Variants in AZIN2 observed in about 807,000 individuals in gnomAD.
AZIN2 encodes the protein ODC antizyme inhibitor-2.
A neutral mutation model predicts 47.8 loss-of-function variants in AZIN2; 28 were observed. The ratio of observed to expected loss-of-function variants is 0.59; its 90% CI spans 0.43 to 0.80. The LOEUF (loss-of-function observed/expected upper bound fraction) is 0.80. AZIN2 is among the 30% of genes least tolerant of loss of function. The probability of loss-of-function intolerance (pLI) is 0.00; values close to 1 mark genes in which losing one functional copy is unlikely to be tolerated. For missense variants in AZIN2, 535 were observed against 582.5 expected (o/e 0.92, Z 0.84); for synonymous variants, 221 against 239.4 (o/e 0.92, Z 0.71).
intron 11 of AZIN2, 179 bp from the exon 12 acceptor site, chr1:33,119,865 G>C (rs575990624): frequency 1.4e-6 from 1 of 699,958 alleles, no homozygotes; most frequent in African/African-American, 1.8e-5. Flanking sequence ...TTGTTGAGGG[G>C]TGGGGACCAC....
At chr1:33,128,397 C>T (rs1381817391), downstream of AZIN2, among the ~76,000 whole-genome samples, 1 of 151,920 alleles carries the variant, frequency 6.6e-6, no homozygotes, top group African/African-American at 2.4e-5. Flanking sequence ...AAAAATTTAA[C>T]GTATTTAAAG....
chr1:33,091,322 C>T (rs1159847444), intron 5 of AZIN2, among the ~76,000 whole-genome samples: 1 of 152,160 alleles, frequency 6.6e-6, no homozygotes, highest in Non-Finnish European at 1.5e-5. Context: ...TCACTCCAGC[C>T]TCCGCCTCCT....
chr1:33,104,398 T>C (rs960306192), intron 10 of AZIN2, among the ~76,000 whole-genome samples: 1 of 152,166 alleles, frequency 6.6e-6, no homozygotes, highest in Non-Finnish European at 1.5e-5. Flanking sequence ...ACTCTATTGG[T>C]TTATTGTTTT....
chr1:33,161,916 C>T, the AZIN2 span, among the ~76,000 whole-genome samples: 1,643 of 152,282 alleles, frequency 0.011, 24 homozygotes, highest in African/African-American at 0.036. The surrounding 1 kb of genome is among the most constrained non-coding windows in gnomAD (Gnocchi z 4.3). Flanking sequence ...CGCCTTCCAT[C>T]CTCACCCTGA....
chr1:33,124,005 A>T (rs1486989255), downstream of AZIN2, among the ~76,000 whole-genome samples: 2 of 151,958 alleles, frequency 1.3e-5, no homozygotes, highest in African/African-American at 2.4e-5. This position sits in a 1 kb window ranked among gnomAD's most constrained non-coding sequence, Gnocchi z 4.6. Flanking sequence ...CAAAAAAAAA[A>T]GATACAAAAA....
chr1:33,161,060 T>C, the AZIN2 span, among the ~76,000 whole-genome samples: 2 of 152,266 alleles, frequency 1.3e-5, no homozygotes, highest in Non-Finnish European at 2.9e-5. This position sits in a 1 kb window ranked among gnomAD's most constrained non-coding sequence, Gnocchi z 4.3. Flanking sequence ...CTAAGAGCTG[T>C]GAACCTTAGT....
At position 33,094,993 on chromosome 1, in the gene AZIN2, C is replaced by T. The variant is rs572195527; in HGVS notation, c.753+280C>T. Among the ~76,000 whole-genome samples the T allele has an allele frequency of 8.5e-5, 13 of 152,296 alleles. No homozygotes were observed. In the South Asian group the frequency reaches 2.5e-3, roughly 29 times the overall value. ...ATAACCAGGACACATTTACATAAGTCGTAAGGCTCTTTAAGGGGCGGGATA... is the reference window on the plus strand; with the variant it reads ...ATAACCAGGACACATTTACATAAGTTGTAAGGCTCTTTAAGGGGCGGGATA... On this transcript the variant is annotated intron_variant, in intron 8 of 11. Coordinates refer to ENST00000294517, the MANE Select transcript of AZIN2 (RefSeq NM_052998.4).
intron 10 of AZIN2, among the ~76,000 whole-genome samples, chr1:33,108,915 A>G (rs2124624222): frequency 6.6e-6 from 1 of 152,320 alleles, no homozygotes; most frequent in Admixed American, 6.5e-5. Context: ...ATCATATGGT[A>G]AGAATATGTT....
chr1:33,099,709 G>A (rs1643507745), intron 10 of AZIN2, among the ~76,000 whole-genome samples: 1 of 152,150 alleles, frequency 6.6e-6, no homozygotes, highest in South Asian at 2.1e-4. Context: ...CTCTCTTTGT[G>A]GTCTGTGCTG....
chr1:33,140,199 A>G, the AZIN2 span, among the ~76,000 whole-genome samples: 1 of 152,126 alleles, frequency 6.6e-6, no homozygotes, highest in African/African-American at 2.4e-5. The surrounding 1 kb of genome is among the most constrained non-coding windows in gnomAD (Gnocchi z 4.0). Flanking sequence ...GCCGATGAGG[A>G]ACAGGGATGC....
At chr1:33,112,851 T>C (rs1477046199) in intron 10 of AZIN2, among the ~76,000 whole-genome samples, 2 of 152,238 alleles carry the variant, frequency 1.3e-5, no homozygotes, top group African/African-American at 4.8e-5. Flanking sequence ...CTGGGGATTT[T>C]AATTAGTAAT....
chr1:33,083,681 G>A (rs930940784), intron 4 of AZIN2: 11 of 504,284 alleles, frequency 2.2e-5, no homozygotes, highest in African/African-American at 2.1e-4. Context: ...GACATGGTGG[G>A]AACAAAGGTT....
intron 5 of AZIN2, among the ~76,000 whole-genome samples, chr1:33,087,294 C>T (rs567550215): frequency 2.6e-5 from 4 of 151,852 alleles, no homozygotes; most frequent in East Asian, 1.9e-4. Flanking sequence ...CCACGATGCC[C>T]GGCTAATTTT....
rs957048300 is a variant in AZIN2, at chr1:33,120,318, G to A, written c.*136G>A. The A allele has an allele frequency of 8.1e-7, 1 of 1,232,742 alleles. No homozygotes were observed. Among genetic ancestry groups the A allele is most frequent in the Non-Finnish European group, 1.1e-6 (1 of 893,664 alleles). The allele number at this position is 1,232,742 out of a possible 1,614,324, so 76.4% of individuals were successfully genotyped here. A position where few individuals can be genotyped will look rare whatever the true frequency, so the allele number is the denominator to read the frequency against. ...CTGCCACCCCCGCGCTCCACCTGCA[G>A]TGTTTCTGCCCTGTAAATAGGACCA... On this transcript the variant is annotated 3_prime_UTR_variant, in exon 12 of 12. Coordinates refer to ENST00000294517, the MANE Select transcript of AZIN2 (RefSeq NM_052998.4).
the AZIN2 span, among the ~76,000 whole-genome samples, chr1:33,161,401 G>T: frequency 6.6e-6 from 1 of 152,096 alleles, no homozygotes; most frequent in Admixed American, 6.5e-5. This position sits in a 1 kb window ranked among gnomAD's most constrained non-coding sequence, Gnocchi z 4.3. Flanking sequence ...TACTTTGTGG[G>T]ATTCTGGCTG....
chr1:33,084,051 C>T lies in AZIN2; in HGVS notation c.203C>T (p.Ala68Val). Residue 68 changes from alanine (A) to valine (V), a missense_variant, in exon 5 of 12, where the codon GCT becomes GTT. This residue lies in a region of AZIN2 where 409 missense variants were observed against 429.0 expected (regional missense o/e 0.95). Transcript: ENST00000294517. ...CTGCCACGAGTCCGGCCCTTTTATG[C>T]TGTCAAGTGCAACAGCAGCCCAGGT... ...KCLPRVRPFY[A>V]VKCNSSPGVL... 2 of 1,614,114 alleles carry T rather than the reference C, an allele frequency of 1.2e-6. No individual in the cohort carries two copies. The highest frequency in any genetic ancestry group is 1.7e-4 in the Middle Eastern group (1 of 6,040).
intron 10 of AZIN2, among the ~76,000 whole-genome samples, chr1:33,116,614 C>T (rs544784263): frequency 6.6e-6 from 1 of 151,464 alleles, no homozygotes; most frequent in Non-Finnish European, 1.5e-5. Flanking sequence ...GATGACAAGA[C>T]CTACACATCC....
At chr1:33,083,777 C>T in intron 4 of AZIN2, 177 bp from the exon 5 acceptor site, 1 of 670,744 alleles carries the variant, frequency 1.5e-6, no homozygotes, top group Non-Finnish European at 2.6e-6. Context: ...GCCTTGAATG[C>T]CAGGCTGAGG....
intron 10 of AZIN2, among the ~76,000 whole-genome samples, chr1:33,105,992 G>A (rs1193049402): frequency 6.6e-6 from 1 of 152,082 alleles, no homozygotes; most frequent in African/African-American, 2.4e-5. Context: ...GAATCTGTCT[G>A]GAATGTATTG....
Sources: gnomAD v4.1 joint callset for allele counts (sites outside exome capture counted in the v4.1 genomes callset) on GRCh38, gnomAD v4.1.1 for gene constraint, gnomAD v4.1.1 regional missense constraint, Gnocchi (gnomAD v3.1) non-coding constraint, MANE v1.5 for transcripts, NCBI Gene and HGNC (gene_info 2026-07-23, HGNC 2026-07-21) for gene names.